FOCAD: variants seen among roughly 807,000 people sequenced by gnomAD.
FOCAD encodes the protein focadhesin.
A neutral mutation model predicts 225.6 loss-of-function variants in FOCAD; 198 were observed. That is an observed-to-expected ratio of 0.88 (90% confidence interval 0.78 to 0.99). The LOEUF (loss-of-function observed/expected upper bound fraction) is 0.99, where lower values mean the gene tolerates loss of function less well. FOCAD is among the 50% of genes least tolerant of loss of function. The pLI is 0.00. For synonymous variants in FOCAD, 897 were observed against 755.0 expected (o/e 1.19, Z -3.08); for missense variants, 2,713 against 2,123.6 (o/e 1.28, Z -5.46).
intron 7 of FOCAD, among the ~76,000 whole-genome samples, chr9:20,766,772 A>C (rs552806542): frequency 1.3e-5 from 2 of 152,042 alleles, no homozygotes; most frequent in South Asian, 4.2e-4. Flanking sequence ...GTTGCTCAAA[A>C]TATGCTACTA....
chr9:20,874,753 C>T lies in FOCAD; in HGVS notation c.2263C>T (p.Pro755Ser). 1.9e-6 allele frequency: 3 copies of T among 1,613,634 alleles called. No homozygotes were observed. The change falls in exon 19 of 44, where the codon CCT (proline) becomes TCT (serine). Residue 755 changes from proline (P) to serine (S), a missense_variant. Physicochemically the swap from Pro to Ser is moderately conservative, Grantham distance 74. Transcript: ENST00000338382. Reference protein sequence around the residue: ...EDVEDVDLSVPGSCYLKLLSL... With the variant: ...EDVEDVDLSVSGSCYLKLLSL... ...TGTTGAGGATGTGGATCTTTCAGTT[C>T]CTGGCTCTTGCTATCTCAAACTGTT...
At chr9:20,725,652 C>T (rs566210946) in intron 4 of FOCAD, among the ~76,000 whole-genome samples, 3 of 152,194 alleles carry the variant, frequency 2.0e-5, no homozygotes, top group Non-Finnish European at 4.4e-5. Context: ...CTTTGGAACA[C>T]GTATGGAAGC....
At chr9:20,768,724 G>A (rs959929331) in intron 7 of FOCAD, among the ~76,000 whole-genome samples, 1 of 152,242 alleles carries the variant, frequency 6.6e-6, no homozygotes, top group East Asian at 1.9e-4. Context: ...TGAAAGAATG[G>A]TCAGTGAAAC....
Position 20,986,156 on chromosome 9 carries a change from T to G in FOCAD, c.4729-132T>G, listed in dbSNP as rs1841131757. 4 of 806,598 alleles carry G rather than the reference T, an allele frequency of 5.0e-6. No individual in the cohort carries two copies. The South Asian group carries it at 9.2e-5, about 19-fold the overall frequency. The allele number at this position is 806,598 out of a possible 1,614,324, so 50.0% of individuals were successfully genotyped here. The stretch of plus-strand genomic sequence containing the variant: ...TTAATTTAGCACACAGGCAGATGGG[T>G]CATGTGCTGCAGGAAATGAACAGAA... On this transcript the variant is annotated intron_variant, in intron 39 of 43. Transcript: ENST00000338382.
At chr9:20,709,096 T>C (rs1233236923) in intron 1 of FOCAD, among the ~76,000 whole-genome samples, 8 of 152,226 alleles carry the variant, frequency 5.3e-5, no homozygotes, top group Non-Finnish European at 1.2e-4. Context: ...AAGTGTTTTA[T>C]CTACTGCTCT....
intron 21 of FOCAD, among the ~76,000 whole-genome samples, chr9:20,902,764 A>C (rs1341460895): frequency 6.6e-6 from 1 of 151,936 alleles, no homozygotes; most frequent in African/African-American, 2.4e-5. Context: ...TCTCAAGGCA[A>C]GGGAGATTCC....
intron 11 of FOCAD, among the ~76,000 whole-genome samples, chr9:20,798,741 C>G (rs544653312): frequency 3.9e-5 from 6 of 151,906 alleles, no homozygotes; most frequent in African/African-American, 1.4e-4. Flanking sequence ...TCTCTCTTTT[C>G]TTCTTTATTA....
At chr9:20,671,432 G>A (rs1281876177) in intron 2 of FOCAD, among the ~76,000 whole-genome samples, 1 of 152,110 alleles carries the variant, frequency 6.6e-6, no homozygotes, top group Non-Finnish European at 1.5e-5. Flanking sequence ...AATGGCTTCA[G>A]CCCAGAACAA....
chr9:20,663,732 G>A (rs778122309), intron 2 of FOCAD, among the ~76,000 whole-genome samples: 5 of 152,122 alleles, frequency 3.3e-5, no homozygotes, highest in African/African-American at 7.2e-5. Flanking sequence ...ACTGCTTCAC[G>A]TATCACAGTA....
chr9:20,789,612 A>G lies in FOCAD; in HGVS notation c.1455+4A>G, dbSNP rs1820313097. 4.3e-6 allele frequency: 7 copies of G among 1,613,544 alleles called. No homozygotes were observed. The highest frequency in any genetic ancestry group is 1.7e-5 in the Admixed American group (1 of 59,958). ...AGCCCAAGCAGATTCCTCCCAGGTA[A>G]AGCAAGAGAATAATGGAACAATAAT... On this transcript the variant is annotated splice_donor_region_variant and intron_variant, in intron 11 of 43. Transcript: ENST00000338382.
At chr9:20,821,108 A>C (rs760796426) in intron 14 of FOCAD, 37 bp downstream of exon 14, 5 of 1,576,684 alleles carry the variant, frequency 3.2e-6, no homozygotes, top group African/African-American at 2.7e-5. Flanking sequence ...GTATATCATG[A>C]TATATTATTT....
chr9:20,895,174 C>T (rs1345507548), intron 21 of FOCAD, among the ~76,000 whole-genome samples: 1 of 151,956 alleles, frequency 6.6e-6, no homozygotes, highest in East Asian at 1.9e-4. Context: ...TTTCTTTGAT[C>T]TATTTCTCTC....
intron 18 of FOCAD, among the ~76,000 whole-genome samples, chr9:20,867,226 C>A (rs1829365463): frequency 6.6e-6 from 1 of 151,848 alleles, no homozygotes; most frequent in Non-Finnish European, 1.5e-5. Context: ...CAAATGAAAT[C>A]TTCTTAAGGT....
intron 11 of FOCAD, among the ~76,000 whole-genome samples, chr9:20,791,462 A>C (rs753038537): frequency 6.6e-6 from 1 of 152,188 alleles, no homozygotes; most frequent in Non-Finnish European, 1.5e-5. Context: ...CATCACCTCA[A>C]ACATTTATCA....
rs542966588 is a variant in FOCAD, at chr9:20,748,548, A to AAAT, written c.392+8209_392+8211dup. 6.6e-5 allele frequency among the ~76,000 whole-genome samples: 10 copies of AAAT among 152,266 alleles called. No individual in the cohort carries two copies. The South Asian group carries it at 2.1e-3, about 32-fold the overall frequency. On this transcript the variant is annotated intron_variant, in intron 5 of 43. Coordinates refer to ENST00000338382, the MANE Select transcript of FOCAD (RefSeq NM_001375567.1). The stretch of plus-strand genomic sequence containing the variant: ...AGGGCTTGTAGAAATCATTATAGAA[A>AAAT]AATCAGAGAAAGAAGATGGGAAAGG...
chr9:20,914,991 G>T (rs1188233143), intron 23 of FOCAD, among the ~76,000 whole-genome samples: 1 of 152,118 alleles, frequency 6.6e-6, no homozygotes, highest in Non-Finnish European at 1.5e-5. Flanking sequence ...GAAAGAAAGG[G>T]ATCAATCAAA....
chr9:20,692,566 A>G (rs1823037833), intron 1 of FOCAD, among the ~76,000 whole-genome samples: 1 of 152,130 alleles, frequency 6.6e-6, no homozygotes, highest in Non-Finnish European at 1.5e-5. Flanking sequence ...CTTGGGGTAG[A>G]TGTGGGGCAG....
chr9:20,854,127 T>A (rs1252009611), intron 15 of FOCAD, among the ~76,000 whole-genome samples: 3 of 151,746 alleles, frequency 2.0e-5, no homozygotes, highest in African/African-American at 4.8e-5. Context: ...AAAGCTTTCC[T>A]CTGTTGGAGT....
Position 20,969,231 on chromosome 9 carries a change from T to G in FOCAD, c.4133-7189T>G, listed in dbSNP as rs185880505. Among the ~76,000 whole-genome samples, 574 of 152,290 alleles carry G rather than the reference T, an allele frequency of 3.8e-3. 5 individuals are homozygous for G. The highest frequency in any genetic ancestry group is 0.013 in the African/African-American group (548 of 41,542). ...ATGTTCCGTGTGCTCTTGAAATGAA[T>G]GTGTATTCTGATGGTGTTGAGTGGA... is the stretch of plus-strand genomic sequence containing the variant. On this transcript the variant is annotated intron_variant, in intron 35 of 43. Coordinates refer to ENST00000338382, the MANE Select transcript of FOCAD (RefSeq NM_001375567.1).
Sources: allele counts gnomAD v4.1 joint callset (sites outside exome capture counted in the v4.1 genomes callset), GRCh38; gene constraint gnomAD v4.1.1; transcripts MANE v1.5; gene names NCBI Gene and HGNC (gene_info 2026-07-23, HGNC 2026-07-21).